SSBP2: variants seen among roughly 807,000 people sequenced by gnomAD.
SSBP2 encodes single-stranded DNA-binding protein 2.
Under a neutral mutation model 61.8 loss-of-function variants are expected in SSBP2, and 17 were observed. That is an observed-to-expected ratio of 0.28 (90% confidence interval 0.19 to 0.41). SSBP2 has a LOEUF of 0.41. Ranked by LOEUF, SSBP2 falls within the 10% of genes least tolerant of loss-of-function variation. The pLI is 1.00. For synonymous variants in SSBP2, 139 were observed against 141.3 expected (o/e 0.98, Z 0.12); for missense variants, 310 against 458.7 (o/e 0.68, Z 2.96).
At chr5:81,575,381 CA>C (rs1357136103) in intron 4 of SSBP2, among the ~76,000 whole-genome samples, 1 of 152,126 alleles carries the variant, frequency 6.6e-6, no homozygotes, top group African/African-American at 2.4e-5. Flanking sequence ...AGAACAATAA[CA>C]TTTAAGTTGT....
chr5:81,716,229 T>C (rs1272709771), intron 1 of SSBP2, among the ~76,000 whole-genome samples: 2 of 151,974 alleles, frequency 1.3e-5, no homozygotes, highest in Non-Finnish European at 2.9e-5. Context: ...GCTAAAATAG[T>C]TGAAGTTGTT....
At chr5:81,663,887 G>A (rs945740530) in intron 1 of SSBP2, among the ~76,000 whole-genome samples, 8 of 152,042 alleles carry the variant, frequency 5.3e-5, no homozygotes, top group Non-Finnish European at 8.8e-5. Flanking sequence ...TTCTAACATT[G>A]AGCAACTAAA....
chr5:81,618,214 C>T (rs375410355), intron 3 of SSBP2, among the ~76,000 whole-genome samples: 6 of 82,068 alleles, frequency 7.3e-5, no homozygotes, highest in Admixed American at 3.0e-4. Flanking sequence ...ACCCATCTCA[C>T]GTGCAGAGAC....
chr5:81,624,166 A>C (rs1238179734), intron 3 of SSBP2, among the ~76,000 whole-genome samples: 1 of 152,174 alleles, frequency 6.6e-6, no homozygotes, highest in African/African-American at 2.4e-5. Context: ...ATAATCTAGG[A>C]TATGTTATGA....
chr5:81,605,109 A>G (rs1380750146), intron 4 of SSBP2, among the ~76,000 whole-genome samples: 1 of 152,128 alleles, frequency 6.6e-6, no homozygotes, highest in Admixed American at 6.6e-5. Flanking sequence ...AAAACCCTAA[A>G]GTGAATTACT....
At chr5:81,432,982 T>TGG (rs71000832) in intron 15 of SSBP2, among the ~76,000 whole-genome samples, 93 of 116,174 alleles carry the variant, frequency 8.0e-4, no homozygotes, top group Middle Eastern at 5.2e-3. Flanking sequence ...GGGAGGGAGG[T>TGG]GGGGGGGGTC....
At chr5:81,614,145 G>C (rs1217309142) in intron 4 of SSBP2, among the ~76,000 whole-genome samples, 2 of 152,086 alleles carry the variant, frequency 1.3e-5, no homozygotes, top group African/African-American at 4.8e-5. Context: ...CGGATCACGA[G>C]GTCAGGAGAT....
intron 2 of SSBP2, among the ~76,000 whole-genome samples, chr5:81,638,328 C>CTGATT (rs1372428706): frequency 2.0e-5 from 3 of 149,246 alleles, no homozygotes; most frequent in African/African-American, 7.3e-5. Flanking sequence ...AATAAATAAC[C>CTGATT]TGATTTAAAA....
rs147502899 is a variant in SSBP2, at chr5:81,530,682, A to T, written c.283-16965T>A. ...CTATTCAGAATAGTATAGTGTACAT[A>T]TTATAATCTTTTGAGTGTTTTTCTC... On this transcript the variant is annotated intron_variant, in intron 4 of 16. Transcript: ENST00000320672. Among the ~76,000 whole-genome samples, 11 of 152,222 alleles carry T rather than the reference A, an allele frequency of 7.2e-5. No homozygotes were observed. In the East Asian group the frequency reaches 2.1e-3, roughly 30 times the overall value.
chr5:81,495,774 T>A (rs1047568515), intron 5 of SSBP2, among the ~76,000 whole-genome samples: 2 of 152,172 alleles, frequency 1.3e-5, no homozygotes, highest in East Asian at 1.9e-4. Context: ...TTACCTTATA[T>A]CTCATTATAT....
chr5:81,662,493 C>A (rs1028295777), intron 1 of SSBP2, among the ~76,000 whole-genome samples: 1 of 151,812 alleles, frequency 6.6e-6, no homozygotes, highest in Non-Finnish European at 1.5e-5. Context: ...AAATTATTTC[C>A]AATTTACCTT....
At chr5:81,747,962 GAGTA>G (rs991121260) in intron 1 of SSBP2, among the ~76,000 whole-genome samples, 3 of 152,082 alleles carry the variant, frequency 2.0e-5, no homozygotes, top group Admixed American at 6.5e-5. Context: ...TAAAATGACA[GAGTA>G]AGTAACTAAT....
intron 1 of SSBP2, among the ~76,000 whole-genome samples, chr5:81,666,336 A>C (rs1751134345): frequency 6.6e-6 from 1 of 152,212 alleles, no homozygotes; most frequent in Non-Finnish European, 1.5e-5. Context: ...TAATTGCATT[A>C]GTTAACACAG....
chr5:81,452,171 G>A (rs1182271991), intron 10 of SSBP2, among the ~76,000 whole-genome samples: 1 of 152,212 alleles, frequency 6.6e-6, no homozygotes, highest in East Asian at 1.9e-4. Context: ...GGGGCTTATA[G>A]GGGGTTGTGG....
intron 6 of SSBP2, among the ~76,000 whole-genome samples, chr5:81,483,694 A>G (rs1318520578): frequency 6.6e-6 from 1 of 152,064 alleles, no homozygotes; most frequent in African/African-American, 2.4e-5. Flanking sequence ...ATATCAACAC[A>G]GAAGATATTA....
intron 1 of SSBP2, among the ~76,000 whole-genome samples, chr5:81,742,791 G>T (rs750227368): frequency 2.6e-5 from 4 of 152,064 alleles, no homozygotes; most frequent in Non-Finnish European, 4.4e-5. Context: ...CAGGAGAATC[G>T]CTTGAACCTG....
At chr5:81,480,146 T>C (rs2154030407) in intron 6 of SSBP2, among the ~76,000 whole-genome samples, 1 of 152,338 alleles carries the variant, frequency 6.6e-6, no homozygotes, top group East Asian at 1.9e-4. Flanking sequence ...AAAAATTTAT[T>C]AAAACAAATA....
At chr5:81,726,361 G>C (rs1158347769) in intron 1 of SSBP2, among the ~76,000 whole-genome samples, 1 of 152,046 alleles carries the variant, frequency 6.6e-6, no homozygotes, top group East Asian at 1.9e-4. Context: ...CTGGGATCAG[G>C]CCAAAGGTTC....
chr5:81,578,910 T>A (rs1175080635), intron 4 of SSBP2, among the ~76,000 whole-genome samples: 11 of 151,626 alleles, frequency 7.3e-5, no homozygotes, highest in Non-Finnish European at 1.3e-4. Context: ...CTGTTAACAA[T>A]TTTTTTTCTT....
Sources: allele counts gnomAD v4.1 joint callset (sites outside exome capture counted in the v4.1 genomes callset), GRCh38; gene constraint gnomAD v4.1.1; transcripts MANE v1.5; gene names NCBI Gene and HGNC (gene_info 2026-07-23, HGNC 2026-07-21).